The following PRKN variants were observed in gnomAD, a reference collection of about 807,000 sequenced individuals.
PRKN encodes E3 ubiquitin-protein ligase parkin.
PRKN carries 56 observed loss-of-function variants against 59.5 expected under a neutral mutation model. The observed-to-expected ratio is 0.94, with a 90% confidence interval of 0.76 to 1.18. PRKN has a LOEUF of 1.18. Ranked by LOEUF, PRKN falls within the 50% of genes most tolerant of loss-of-function variation. The pLI, the probability that PRKN is intolerant of heterozygous loss-of-function variation, is 0.00. For synonymous variants in PRKN, 250 were observed against 222.1 expected, an observed-to-expected ratio of 1.13 and a Z score of -1.12; for missense variants, 657 against 596.4, an observed-to-expected ratio of 1.10 and a Z score of -1.06.
intron 4 of PRKN, among the ~76,000 whole-genome samples, chr6:162,156,566 G>A (rs1333244044): frequency 6.6e-6 from 1 of 152,116 alleles, no homozygotes; most frequent in Non-Finnish European, 1.5e-5. Flanking sequence ...AAAGATGGAG[G>A]CCGGAAGACT....
chr6:162,314,854 C>T (rs996790857), intron 2 of PRKN, among the ~76,000 whole-genome samples: 1 of 152,120 alleles, frequency 6.6e-6, no homozygotes. Flanking sequence ...TTGTCTTATA[C>T]TGAACATGGG....
At chr6:162,393,907 A>G (rs964278051) in intron 2 of PRKN, among the ~76,000 whole-genome samples, 28 of 152,340 alleles carry the variant, frequency 1.8e-4, no homozygotes, top group Non-Finnish European at 3.1e-4. Flanking sequence ...TTGGTTGCTC[A>G]CTAAACCATA....
rs924863981 is a variant in PRKN at position 161,567,035 on chromosome 6, T to G, written c.933+2320A>C. 6.3e-3 allele frequency among the ~76,000 whole-genome samples: 683 copies of G among 108,066 alleles called. 10 individuals carry two copies. Among genetic ancestry groups the G allele is most frequent in the African/African-American group, 0.022 (648 of 30,078 alleles). 70.9% of individuals were successfully genotyped at this position (108,066 alleles called of 152,430 possible). ...TTCACTGTCCTTGTTTTTTTTTTTT[T>G]TTTGTGTGTGTGTGTGTGTGTGTGA... On this transcript the variant is annotated intron_variant, in intron 8 of 11. Transcript: ENST00000366898.
At chr6:162,592,506 G>A (rs930266466) in intron 1 of PRKN, among the ~76,000 whole-genome samples, 36 of 152,074 alleles carry the variant, frequency 2.4e-4, no homozygotes, top group African/African-American at 7.2e-4. Flanking sequence ...GCATTGTGCC[G>A]ATCAGTATTG....
intron 7 of PRKN, among the ~76,000 whole-genome samples, chr6:161,698,318 C>T (rs554196341): frequency 2.2e-4 from 33 of 151,958 alleles, no homozygotes; most frequent in Admixed American, 5.2e-4. Flanking sequence ...GAAAATAACA[C>T]CAACACATAA....
Position 161,562,495 on chromosome 6 carries a change from T to C in PRKN, c.933+6860A>G, listed in dbSNP as rs74529372. 4.0e-3 allele frequency among the ~76,000 whole-genome samples: 608 copies of C among 152,260 alleles called. 13 individuals carry two copies. In the East Asian group the frequency reaches 0.065, roughly 16 times the overall value. ...GGCTTCTTCTGAGAATCCCCATGGG[T>C]TTAAAATTTCCTCTACATGCTGGTA... On this transcript the variant is annotated intron_variant, in intron 8 of 11. Coordinates refer to ENST00000366898, the MANE Select transcript of PRKN (RefSeq NM_004562.3). This position sits in a 1 kb window ranked among gnomAD's most constrained non-coding sequence, Gnocchi z 4.3.
At position 161,357,048 on chromosome 6, in the gene PRKN, CTTTTTTTTT is replaced by C. The variant is rs35219002; in HGVS notation, c.1285+3031_1285+3039del. Among the ~76,000 whole-genome samples, 13 of 115,592 alleles carry C rather than the reference CTTTTTTTTT, an allele frequency of 1.1e-4. 1 individual carries two copies. The highest frequency in any genetic ancestry group is 4.5e-4 in the African/African-American group (13 of 29,016). The allele number at this position is 115,592 out of a possible 152,430, so 75.8% of individuals were successfully genotyped here. A position where few individuals can be genotyped will look rare whatever the true frequency, so the allele number is the denominator to read the frequency against. On this transcript the variant is annotated intron_variant, in intron 11 of 11. Coordinates refer to ENST00000366898, the MANE Select transcript of PRKN (RefSeq NM_004562.3). This position sits in a 1 kb window ranked among gnomAD's most constrained non-coding sequence, Gnocchi z 5.5. ...CAGGTCCAGGTTCGCTGACCACTTC[CTTTTTTTTT>C]TTTTTTTTTTTTGAGACAGAGTCTT...
At chr6:161,925,914 T>C (rs1403224733) in intron 6 of PRKN, among the ~76,000 whole-genome samples, 2 of 152,192 alleles carry the variant, frequency 1.3e-5, no homozygotes, top group Admixed American at 6.5e-5. Flanking sequence ...CTGAACTCTT[T>C]ATATGTCTCG....
At chr6:161,814,752 T>A (rs1461288356) in intron 6 of PRKN, among the ~76,000 whole-genome samples, 2 of 152,184 alleles carry the variant, frequency 1.3e-5, no homozygotes, top group African/African-American at 4.8e-5. Flanking sequence ...TCTGCCCACC[T>A]CAGCCTCCCA....
Position 162,414,726 on chromosome 6 carries a change from A to AAAAAAAAAAAGGT in PRKN, c.171+28583_171+28584insACCTTTTTTTTTT, listed in dbSNP as rs34838356. 3.5e-4 allele frequency among the ~76,000 whole-genome samples: 32 copies of AAAAAAAAAAAGGT among 91,868 alleles called. 2 individuals carry two copies. Among genetic ancestry groups the AAAAAAAAAAAGGT allele is most frequent in the Middle Eastern group, 0.012 (2 of 166 alleles). The allele number at this position is 91,868 out of a possible 152,430, so 60.3% of individuals were successfully genotyped here. A position where few individuals can be genotyped will look rare whatever the true frequency, so the allele number is the denominator to read the frequency against. On this transcript the variant is annotated intron_variant, in intron 2 of 11. Transcript: ENST00000366898. ...ACTCCGTCTCAAAAAAAAAAAAAAAAAGTGAATCTTTGAAGTTTTAAAATA... is the reference window on the plus strand; with the variant it reads ...ACTCCGTCTCAAAAAAAAAAAAAAAAAAAAAAAAAAGGTAGTGAATCTTTGAAGTTTTAAAATA...
intron 7 of PRKN, among the ~76,000 whole-genome samples, chr6:161,655,671 G>C (rs547938738): frequency 6.6e-6 from 1 of 152,328 alleles, no homozygotes; most frequent in East Asian, 1.9e-4. Flanking sequence ...CTGTCAAAAA[G>C]AGTCTAGGTT....
intron 1 of PRKN, among the ~76,000 whole-genome samples, chr6:162,714,246 A>G (rs954606255): frequency 3.3e-5 from 5 of 152,266 alleles, no homozygotes; most frequent in Non-Finnish European, 5.9e-5. Flanking sequence ...AAAACGTTCA[A>G]GTTTAAGCCA....
chr6:162,380,950 C>T lies in PRKN; in HGVS notation c.171+62360G>A, dbSNP rs1276187002. 5.9e-5 allele frequency among the ~76,000 whole-genome samples: 9 copies of T among 152,208 alleles called. No individual in the cohort carries two copies. In the East Asian group the frequency reaches 9.7e-4, roughly 16 times the overall value. Reference sequence around the variant, plus strand: ...ACAACAGCCACATGGGAGAGTCCAGCGACCAGAGTGGCCGCCGTGGTCCAG... The same window carrying T: ...ACAACAGCCACATGGGAGAGTCCAGTGACCAGAGTGGCCGCCGTGGTCCAG... On this transcript the variant is annotated intron_variant, in intron 2 of 11. Transcript: ENST00000366898.
Position 162,561,050 on chromosome 6 carries a change from C to T in PRKN, c.8-117577G>A, listed in dbSNP as rs892567943. ...CTGAGGAAGGAAAGACGATTTGCAGCCTAGGCGATCAAAGGAGCAGGGCGA... is the reference window on the plus strand; with the variant it reads ...CTGAGGAAGGAAAGACGATTTGCAGTCTAGGCGATCAAAGGAGCAGGGCGA... On this transcript the variant is annotated intron_variant, in intron 1 of 11. Transcript: ENST00000366898. 9.9e-5 allele frequency among the ~76,000 whole-genome samples: 15 copies of T among 152,164 alleles called. No homozygotes were observed. The South Asian group carries it at 1.5e-3, about 15-fold the overall frequency.
intron 5 of PRKN, among the ~76,000 whole-genome samples, chr6:161,992,255 GCTTGAA>G (rs1260573242): frequency 6.6e-6 from 1 of 152,060 alleles, no homozygotes; most frequent in African/African-American, 2.4e-5. Flanking sequence ...CATGAGAACT[GCTTGAA>G]CCTGGGAAGC....
chr6:162,243,484 C>A (rs573331115), intron 3 of PRKN, among the ~76,000 whole-genome samples: 1 of 151,766 alleles, frequency 6.6e-6, no homozygotes, highest in African/African-American at 2.4e-5. Flanking sequence ...ACAGGTTGAT[C>A]ATTTGAAAAA....
In PRKN at chr6:161,460,818, C is replaced by T. The variant is rs1265876941; in HGVS notation, c.1084-73941G>A. On this transcript the variant is annotated intron_variant, in intron 9 of 11. Coordinates refer to ENST00000366898, the MANE Select transcript of PRKN (RefSeq NM_004562.3). This position sits in a 1 kb window ranked among gnomAD's most constrained non-coding sequence, Gnocchi z 5.0. The stretch of plus-strand genomic sequence containing the variant: ...AGGCTGGAGTGCAGTGTCACAATCT[C>T]GGCCCACTGCAATCTCAGACTCCCT... Among the ~76,000 whole-genome samples, 7 of 151,520 alleles carry T rather than the reference C, an allele frequency of 4.6e-5. No individual in the cohort carries two copies. The highest frequency in any genetic ancestry group is 3.9e-4 in the East Asian group (2 of 5,142).
chr6:162,143,861 G>A (rs1405854094), intron 4 of PRKN, among the ~76,000 whole-genome samples: 1 of 152,174 alleles, frequency 6.6e-6, no homozygotes, highest in African/African-American at 2.4e-5. Context: ...TCCAGGCACA[G>A]AGAACTCATG....
At chr6:162,657,493 T>TA (rs1251280146) in intron 1 of PRKN, among the ~76,000 whole-genome samples, 2 of 152,092 alleles carry the variant, frequency 1.3e-5, no homozygotes, top group African/African-American at 2.4e-5. Context: ...TTACTAAATT[T>TA]AAAAAAATAC....
Sources: allele counts gnomAD v4.1 joint callset (sites outside exome capture counted in the v4.1 genomes callset), GRCh38; gene constraint gnomAD v4.1.1; non-coding constraint Gnocchi (gnomAD v3.1); transcripts MANE v1.5; gene names NCBI Gene and HGNC (gene_info 2026-07-23, HGNC 2026-07-21).